Variants in FBXL13 observed in about 807,000 individuals in gnomAD.
The protein encoded by FBXL13 is F-box and leucine-rich repeat protein 13.
A neutral mutation model predicts 83.6 loss-of-function variants in FBXL13; 67 were observed. That is an observed-to-expected ratio of 0.80 (90% CI 0.66 to 0.98). FBXL13 has a LOEUF of 0.98. FBXL13 is among the 50% of genes least tolerant of loss of function. FBXL13 has a pLI of 0.00. For synonymous variants in FBXL13, 272 were observed against 299.5 expected, an observed-to-expected ratio of 0.91 and a Z score of 0.95; for missense variants, 822 against 866.5, an observed-to-expected ratio of 0.95 and a Z score of 0.64.
chr7:102,984,761 G>A (rs1179674600), intron 6 of FBXL13, among the ~76,000 whole-genome samples: 1 of 152,172 alleles, frequency 6.6e-6, no homozygotes, highest in Non-Finnish European at 1.5e-5. Flanking sequence ...ACCCTGCTAT[G>A]TGCCAATTAT....
chr7:102,957,371 T>C (rs192943856), intron 8 of FBXL13, among the ~76,000 whole-genome samples: 3 of 152,292 alleles, frequency 2.0e-5, no homozygotes, highest in African/African-American at 7.2e-5. Flanking sequence ...TTACACCTTA[T>C]ACAAAAATTA....
chr7:102,998,027 C>T (rs1789994143), intron 6 of FBXL13, among the ~76,000 whole-genome samples: 1 of 152,180 alleles, frequency 6.6e-6, no homozygotes, highest in South Asian at 2.1e-4. Flanking sequence ...TACATTCCCA[C>T]CAACAGTGTA....
intron 2 of FBXL13, among the ~76,000 whole-genome samples, chr7:103,043,970 G>A (rs117384932): frequency 0.027 from 4,126 of 152,244 alleles, 101 homozygotes; most frequent in Non-Finnish European, 0.036. Context: ...AGATCTCTAG[G>A]AGTCAAGATT....
At chr7:102,934,524 G>C (rs201380677) in intron 8 of FBXL13, 2 of 1,607,296 alleles carry the variant, frequency 1.2e-6, no homozygotes, top group Non-Finnish European at 1.7e-6. Flanking sequence ...AAAAAACTGC[G>C]GCAGATAAAA....
rs761654105 is a variant in FBXL13, at chr7:103,009,153, T to C, written c.495+15910A>G. ...CATGAGTGTAGGAAGGAGTGTGATA[T>C]GGCTTAGAAAAATAACTAAGAATGA... is the stretch of plus-strand genomic sequence containing the variant. On this transcript the variant is annotated intron_variant, in intron 6 of 19. Coordinates refer to ENST00000313221, the Ensembl canonical transcript of FBXL13. Among the ~76,000 whole-genome samples, 23 of 151,514 alleles carry C rather than the reference T, an allele frequency of 1.5e-4. 1 individual carries two copies. The highest frequency in any genetic ancestry group is 2.6e-4 in the Admixed American group (4 of 15,230).
In FBXL13 at chr7:102,817,716, C is replaced by T. The variant is rs77445244; in HGVS notation, c.2019-4185G>A. Among the ~76,000 whole-genome samples, 118 of 152,246 alleles carry T rather than the reference C, an allele frequency of 7.8e-4. 2 individuals carry two copies. In the East Asian group the frequency reaches 0.018, roughly 24 times the overall value. On this transcript the variant is annotated intron_variant, in intron 19 of 19. Transcript: ENST00000313221. ...TAGCTTGATGCTGTAGTGTGATCAG[C>T]ACATGGGAGCTAGGAAATATTGAAA...
Position 102,949,152 on chromosome 7 carries a change from T to C in FBXL13, c.724+14381A>G, listed in dbSNP as rs143804079. Among the ~76,000 whole-genome samples the C allele has an allele frequency of 2.0e-5, 3 of 152,244 alleles. No individual in the cohort carries two copies. In the East Asian group the frequency reaches 5.8e-4, roughly 29 times the overall value. ...TTCAATCTAACAGTCAGAAAACCAA[T>C]CTTCCCAGAAATGTGTGTAATTCTT... On this transcript the variant is annotated intron_variant, in intron 8 of 19. Coordinates refer to ENST00000313221, the Ensembl canonical transcript of FBXL13.
At chr7:102,934,145 G>C in intron 8 of FBXL13, 2 of 1,614,160 alleles carry the variant, frequency 1.2e-6, no homozygotes, top group East Asian at 2.2e-5. Context: ...TGTGCTGCCT[G>C]GTTGGCCTCA....
intron 6 of FBXL13, among the ~76,000 whole-genome samples, chr7:102,997,273 GAAGT>G (rs1227420680): frequency 1.3e-5 from 2 of 152,126 alleles, no homozygotes; most frequent in African/African-American, 4.8e-5. Flanking sequence ...AGAACACCAT[GAAGT>G]AATTTCTCTT....
chr7:102,962,580 C>A (rs1362085635), intron 8 of FBXL13, among the ~76,000 whole-genome samples: 1 of 151,998 alleles, frequency 6.6e-6, no homozygotes, highest in Non-Finnish European at 1.5e-5. Context: ...TTGGAACCAA[C>A]CCAAATGTCC....
chr7:103,067,239 C>T (rs879442150), intron 1 of FBXL13, among the ~76,000 whole-genome samples: 14 of 152,094 alleles, frequency 9.2e-5, no homozygotes, highest in South Asian at 2.1e-4. Flanking sequence ...GGGGTAAGCA[C>T]GGACTGCTGG....
intron 17 of FBXL13, among the ~76,000 whole-genome samples, chr7:102,853,538 A>T (rs1805580522): frequency 6.6e-6 from 1 of 152,214 alleles, no homozygotes; most frequent in Non-Finnish European, 1.5e-5. Context: ...ATTAAACTAA[A>T]GAGCTTCTGC....
At chr7:103,024,782 C>T (rs1323074199) in intron 6 of FBXL13, among the ~76,000 whole-genome samples, 5 of 139,842 alleles carry the variant, frequency 3.6e-5, no homozygotes, top group African/African-American at 1.3e-4. Flanking sequence ...GAATGCAATA[C>T]ATCAAGAGTA....
intron 16 of FBXL13, chr7:102,874,430 T>G: frequency 1.1e-6 from 1 of 899,874 alleles, no homozygotes; most frequent in Non-Finnish European, 1.3e-6. Context: ...TTTTTTTCAA[T>G]CTTTTAGCAG....
At chr7:102,904,958 A>G (rs1226689989) in intron 11 of FBXL13, among the ~76,000 whole-genome samples, 1 of 152,008 alleles carries the variant, frequency 6.6e-6, no homozygotes, top group Non-Finnish European at 1.5e-5. Flanking sequence ...GTTTTATTCC[A>G]TTGTAGTCAG....
At chr7:103,011,350 A>T (rs1177412641) in intron 6 of FBXL13, among the ~76,000 whole-genome samples, 1 of 152,140 alleles carries the variant, frequency 6.6e-6, no homozygotes, top group Non-Finnish European at 1.5e-5. Flanking sequence ...TAAGAAAGAA[A>T]CAGGCCAGGC....
intron 8 of FBXL13, among the ~76,000 whole-genome samples, chr7:102,951,191 G>A (rs1236655078): frequency 6.6e-6 from 1 of 151,796 alleles, no homozygotes; most frequent in African/African-American, 2.4e-5. Context: ...TTATGGCTGG[G>A]CACAGTGGCT....
intron 6 of FBXL13, among the ~76,000 whole-genome samples, chr7:102,971,469 T>C (rs1826645615): frequency 6.6e-6 from 1 of 151,576 alleles, no homozygotes; most frequent in Non-Finnish European, 1.5e-5. Flanking sequence ...TGGTGGCACA[T>C]GCCTGTAATC....
At chr7:102,949,000 C>T (rs1822985655) in intron 8 of FBXL13, among the ~76,000 whole-genome samples, 1 of 152,238 alleles carries the variant, frequency 6.6e-6, no homozygotes, top group Non-Finnish European at 1.5e-5. Context: ...GCATGAGCCA[C>T]TGTGCCCAGC....
Sources: gnomAD v4.1 joint callset for allele counts (sites outside exome capture counted in the v4.1 genomes callset) on GRCh38, gnomAD v4.1.1 for gene constraint, MANE v1.5 for transcripts, NCBI Gene and HGNC (gene_info 2026-07-23, HGNC 2026-07-21) for gene names.